MAPK8: variants seen among roughly 807,000 people sequenced by gnomAD.
MAPK8 encodes the protein mitogen-activated protein kinase 8, also known as JUN N-terminal kinase.
In MAPK8, 13 loss-of-function variants were observed where a neutral mutation model predicts 52.9. The observed-to-expected ratio is 0.25, with a 90% CI of 0.16 to 0.39. The LOEUF is 0.39. Ranked by LOEUF, MAPK8 falls within the 10% of genes least tolerant of loss-of-function variation. MAPK8 has a pLI of 1.00. For missense variants in MAPK8, 300 were observed against 519.2 expected, an observed-to-expected ratio of 0.58 and a Z score of 4.10; for synonymous variants, 191 against 169.8, an observed-to-expected ratio of 1.12 and a Z score of -0.97.
At chr10:48,316,256 C>G (rs1842490711) in intron 1 of MAPK8, among the ~76,000 whole-genome samples, 1 of 152,210 alleles carries the variant, frequency 6.6e-6, no homozygotes, top group South Asian at 2.1e-4. Flanking sequence ...TACACAAATA[C>G]TTCCCATTGT....
At chr10:48,376,634 C>T (rs942282592) in intron 1 of MAPK8, among the ~76,000 whole-genome samples, 4 of 152,184 alleles carry the variant, frequency 2.6e-5, no homozygotes, top group Non-Finnish European at 5.9e-5. Context: ...AAAAAATGCT[C>T]ATCATCACTG....
intron 1 of MAPK8, among the ~76,000 whole-genome samples, chr10:48,345,074 C>A (rs534190441): frequency 1.3e-5 from 2 of 152,044 alleles, no homozygotes; most frequent in Non-Finnish European, 2.9e-5. Context: ...ATATAAGATG[C>A]GGCAGAATTC....
intron 11 of MAPK8, among the ~76,000 whole-genome samples, chr10:48,433,094 C>T (rs746164884): frequency 5.9e-5 from 9 of 152,098 alleles, no homozygotes; most frequent in Non-Finnish European, 1.0e-4. Flanking sequence ...TATAGAGGCT[C>T]ACTTAAGAGA....
chr10:48,432,422 T>A (rs1368388309), intron 11 of MAPK8, among the ~76,000 whole-genome samples: 1 of 152,178 alleles, frequency 6.6e-6, no homozygotes, highest in Non-Finnish European at 1.5e-5. Context: ...TCTTCCAGAT[T>A]ATAGTGTAGA....
At chr10:48,313,255 A>T (rs1842149225) in intron 1 of MAPK8, among the ~76,000 whole-genome samples, 1 of 152,188 alleles carries the variant, frequency 6.6e-6, no homozygotes, top group South Asian at 2.1e-4. Context: ...CAACATAGTG[A>T]TACCCCGTCT....
At chr10:48,348,032 A>G (rs1015706551) in intron 1 of MAPK8, among the ~76,000 whole-genome samples, 11 of 152,186 alleles carry the variant, frequency 7.2e-5, no homozygotes, top group African/African-American at 1.4e-4. Context: ...AAGTGTTCCT[A>G]TTTCTCCACA....
intron 1 of MAPK8, among the ~76,000 whole-genome samples, chr10:48,380,689 C>T (rs1042151007): frequency 1.1e-4 from 17 of 152,142 alleles, no homozygotes; most frequent in African/African-American, 3.6e-4. Flanking sequence ...GCCAAGATCA[C>T]GCCAGTGCGC....
intron 3 of MAPK8, among the ~76,000 whole-genome samples, chr10:48,406,533 C>G (rs1197830946): frequency 6.6e-6 from 1 of 152,176 alleles, no homozygotes; most frequent in Non-Finnish European, 1.5e-5. Context: ...AGGCAGAACT[C>G]TCAGCACCTA....
At chr10:48,360,653 T>A (rs748065461) in intron 1 of MAPK8, among the ~76,000 whole-genome samples, 1 of 152,118 alleles carries the variant, frequency 6.6e-6, no homozygotes, top group Non-Finnish European at 1.5e-5. Context: ...CCACACACAC[T>A]CTCACACGCA....
intron 1 of MAPK8, among the ~76,000 whole-genome samples, chr10:48,320,046 A>G (rs1842851758): frequency 1.3e-5 from 2 of 150,722 alleles, no homozygotes; most frequent in South Asian, 4.2e-4. Context: ...CCTCCCCAGT[A>G]GTTGGGATTA....
At chr10:48,433,152 G>A (rs749389325) in intron 11 of MAPK8, among the ~76,000 whole-genome samples, 1 of 152,162 alleles carries the variant, frequency 6.6e-6, no homozygotes, top group African/African-American at 2.4e-5. Flanking sequence ...TTACCATTCA[G>A]ATATTTGAGA....
At chr10:48,351,913 A>T (rs1379134427) in intron 1 of MAPK8, among the ~76,000 whole-genome samples, 1 of 152,082 alleles carries the variant, frequency 6.6e-6, no homozygotes, top group African/African-American at 2.4e-5. Context: ...TCTTGTTGGT[A>T]CTCTTAAAGT....
At chr10:48,313,724 T>C (rs1842217387) in intron 1 of MAPK8, among the ~76,000 whole-genome samples, 1 of 152,228 alleles carries the variant, frequency 6.6e-6, no homozygotes, top group Non-Finnish European at 1.5e-5. Context: ...TTGCATGCAA[T>C]ATGTATCACC....
At chr10:48,318,036 T>TA (rs1842670641) in intron 1 of MAPK8, among the ~76,000 whole-genome samples, 1 of 151,688 alleles carries the variant, frequency 6.6e-6, no homozygotes, top group Non-Finnish European at 1.5e-5. Context: ...CCAGGTGTAT[T>TA]AGAGTTCTCC....
At chr10:48,417,796 G>T (rs2043144266) in intron 5 of MAPK8, among the ~76,000 whole-genome samples, 2 of 152,128 alleles carry the variant, frequency 1.3e-5, no homozygotes, top group Non-Finnish European at 2.9e-5. Context: ...GTAGCATTTA[G>T]CTTTTCCAAA....
intron 2 of MAPK8, among the ~76,000 whole-genome samples, chr10:48,403,456 TAAAA>T (rs568314320): frequency 7.6e-6 from 1 of 131,452 alleles, no homozygotes; most frequent in African/African-American, 2.8e-5. Context: ...AGACTCCGTC[TAAAA>T]AAAAAAAAAA....
chr10:48,412,239 T>TAA (rs2042796443), intron 5 of MAPK8, among the ~76,000 whole-genome samples: 1 of 152,228 alleles, frequency 6.6e-6, no homozygotes, highest in African/African-American at 2.4e-5. Context: ...GGATCTTTTA[T>TAA]AAGTGACAAA....
intron 11 of MAPK8, among the ~76,000 whole-genome samples, chr10:48,432,851 A>G (rs1187559599): frequency 6.6e-6 from 1 of 152,222 alleles, no homozygotes; most frequent in Non-Finnish European, 1.5e-5. Context: ...CTGGATCCTC[A>G]GTTATAGCTT....
At chr10:48,324,909 C>T (rs1383309861) in intron 1 of MAPK8, among the ~76,000 whole-genome samples, 2 of 151,866 alleles carry the variant, frequency 1.3e-5, no homozygotes, top group Admixed American at 6.6e-5. Flanking sequence ...TGTTGAGTCT[C>T]TTGGTGAGCT....
Sources: gnomAD v4.1 joint callset for allele counts (sites outside exome capture counted in the v4.1 genomes callset) on GRCh38, gnomAD v4.1.1 for gene constraint, MANE v1.5 for transcripts, NCBI Gene and HGNC (gene_info 2026-07-23, HGNC 2026-07-21) for gene names.